Variants in GALNT17 observed in about 807,000 individuals in gnomAD.
GALNT17 encodes the protein polypeptide N-acetylgalactosaminyltransferase 17.
A neutral mutation model predicts 63.7 loss-of-function variants in GALNT17; 29 were observed. The observed-to-expected ratio is 0.46, with a 90% CI of 0.34 to 0.62. The LOEUF (loss-of-function observed/expected upper bound fraction) is 0.62. GALNT17 is among the 20% of genes least tolerant of loss of function. The probability of loss-of-function intolerance (pLI) is 0.01; values close to 1 mark genes in which losing one functional copy is unlikely to be tolerated. For synonymous variants in GALNT17, 305 were observed against 318.3 expected (o/e 0.96, Z 0.45); for missense variants, 603 against 799.6 (o/e 0.75, Z 2.97).
At chr7:71,489,937 T>A (rs938489589) in intron 5 of GALNT17, among the ~76,000 whole-genome samples, 13 of 152,096 alleles carry the variant, frequency 8.5e-5, no homozygotes, top group African/African-American at 3.1e-4. Context: ...GGCGGGAGGA[T>A]CTTTTGAGAC....
Position 71,479,228 on chromosome 7 carries a change from A to G in GALNT17, c.962+58123A>G, listed in dbSNP as rs1787774056. On this transcript the variant is annotated intron_variant, in intron 5 of 10. Coordinates refer to ENST00000333538, the MANE Select transcript of GALNT17 (RefSeq NM_022479.3). Reference sequence around the variant, plus strand: ...TTATAAGAAGGGCTTTGCTCAGTTCATGATGACTCTATGCATGATTGACTC... The same window carrying G: ...TTATAAGAAGGGCTTTGCTCAGTTCGTGATGACTCTATGCATGATTGACTC... Among the ~76,000 whole-genome samples, 7 of 152,114 alleles carry G rather than the reference A, an allele frequency of 4.6e-5. 1 individual carries two copies. In the South Asian group the frequency reaches 8.3e-4, roughly 18 times the overall value.
chr7:71,652,137 A>G (rs557936058), intron 6 of GALNT17, among the ~76,000 whole-genome samples: 47 of 152,236 alleles, frequency 3.1e-4, no homozygotes, highest in East Asian at 1.9e-4. Context: ...GCTGCTTTCA[A>G]TCTGCATTTC....
intron 4 of GALNT17, among the ~76,000 whole-genome samples, chr7:71,420,554 A>G (rs897228338): frequency 6.6e-6 from 1 of 152,182 alleles, no homozygotes; most frequent in Non-Finnish European, 1.5e-5. Flanking sequence ...CTGTCATGCA[A>G]TGTGAATCAT....
At chr7:71,604,422 C>T (rs1264114260) in intron 6 of GALNT17, among the ~76,000 whole-genome samples, 1 of 152,210 alleles carries the variant, frequency 6.6e-6, no homozygotes, top group African/African-American at 2.4e-5. Context: ...ATGCTAAGTG[C>T]ATGCACTAGG....
chr7:71,401,067 T>C (rs1793230117), intron 3 of GALNT17, among the ~76,000 whole-genome samples: 1 of 151,974 alleles, frequency 6.6e-6, no homozygotes, highest in African/African-American at 2.4e-5. Flanking sequence ...TTACAATTAG[T>C]GTCCTCAATA....
intron 1 of GALNT17, among the ~76,000 whole-genome samples, chr7:71,229,966 C>T (rs1289407489): frequency 1.3e-5 from 2 of 152,204 alleles, no homozygotes; most frequent in Non-Finnish European, 2.9e-5. Flanking sequence ...CAGAGTGGAT[C>T]TCAGGCATTG....
intron 5 of GALNT17, among the ~76,000 whole-genome samples, chr7:71,467,450 T>C (rs567140620): frequency 3.3e-5 from 5 of 152,270 alleles, no homozygotes; most frequent in African/African-American, 9.6e-5. Context: ...TTAAAAACAA[T>C]TGGGCTACTT....
At chr7:71,212,996 T>C (rs1585885458) in intron 1 of GALNT17, among the ~76,000 whole-genome samples, 1 of 152,146 alleles carries the variant, frequency 6.6e-6, no homozygotes, top group East Asian at 1.9e-4. Flanking sequence ...GGGGGACTGT[T>C]GGGAAGGCAT....
chr7:71,488,009 C>T (rs1042590221), intron 5 of GALNT17, among the ~76,000 whole-genome samples: 1 of 151,824 alleles, frequency 6.6e-6, no homozygotes, highest in Non-Finnish European at 1.5e-5. Context: ...GTCTGTATAA[C>T]AAGTTTAAAA....
intron 1 of GALNT17, among the ~76,000 whole-genome samples, chr7:71,159,622 C>T (rs1788302532): frequency 6.7e-6 from 1 of 148,330 alleles, no homozygotes; most frequent in South Asian, 2.2e-4. Context: ...GACAGGTATA[C>T]AATTCAACTG....
chr7:71,379,582 G>T (rs1387251233), intron 2 of GALNT17, among the ~76,000 whole-genome samples: 1 of 152,150 alleles, frequency 6.6e-6, no homozygotes, highest in African/African-American at 2.4e-5. Flanking sequence ...GTCACACAGA[G>T]ATCCTGAAAA....
intron 6 of GALNT17, among the ~76,000 whole-genome samples, chr7:71,576,154 A>T (rs553791027): frequency 3.2e-4 from 48 of 152,314 alleles, no homozygotes; most frequent in African/African-American, 9.4e-4. Context: ...CTGTTCTCTT[A>T]TATAAAAACA....
At chr7:71,346,748 G>A (rs1360329734) in intron 2 of GALNT17, among the ~76,000 whole-genome samples, 1 of 149,750 alleles carries the variant, frequency 6.7e-6, no homozygotes, top group South Asian at 2.1e-4. Context: ...TTGCCTGTTG[G>A]GGGGGCGGGG....
At chr7:71,299,177 A>C (rs1453128775) in intron 1 of GALNT17, among the ~76,000 whole-genome samples, 2 of 152,134 alleles carry the variant, frequency 1.3e-5, no homozygotes, top group Non-Finnish European at 2.9e-5. Context: ...GGAGAAGGGT[A>C]TGTGTGGGAC....
At chr7:71,170,044 C>T (rs191335614) in intron 1 of GALNT17, among the ~76,000 whole-genome samples, 39 of 152,042 alleles carry the variant, frequency 2.6e-4, no homozygotes, top group Admixed American at 2.3e-3. Context: ...TCAAGTGATC[C>T]TTTCACCTCA....
At chr7:71,217,922 C>T (rs1014247002) in intron 1 of GALNT17, among the ~76,000 whole-genome samples, 3 of 132,054 alleles carry the variant, frequency 2.3e-5, no homozygotes, top group African/African-American at 5.1e-5. Context: ...AGCTAGACTC[C>T]GTCTCAAAAA....
chr7:71,693,088 A>C (rs756584653), intron 9 of GALNT17, among the ~76,000 whole-genome samples: 74 of 151,942 alleles, frequency 4.9e-4, no homozygotes, highest in Non-Finnish European at 6.9e-4. Context: ...GTTAGTATTC[A>C]GTGAAAGTGG....
At chr7:71,327,198 C>T (rs1791719950) in intron 1 of GALNT17, among the ~76,000 whole-genome samples, 1 of 152,136 alleles carries the variant, frequency 6.6e-6, no homozygotes, top group African/African-American at 2.4e-5. Context: ...ATTGGTAGTA[C>T]ATCAGTCCCT....
intron 6 of GALNT17, among the ~76,000 whole-genome samples, chr7:71,654,717 G>C (rs555515480): frequency 6.6e-6 from 1 of 152,304 alleles, no homozygotes; most frequent in South Asian, 2.1e-4. Context: ...ATGTGCCTAT[G>C]CTTTCAGGAA....
Sources: gnomAD v4.1 joint callset for allele counts (sites outside exome capture counted in the v4.1 genomes callset) on GRCh38, gnomAD v4.1.1 for gene constraint, MANE v1.5 for transcripts, NCBI Gene and HGNC (gene_info 2026-07-23, HGNC 2026-07-21) for gene names.